Variants in STAMBP observed in about 807,000 individuals in gnomAD.
The protein encoded by STAMBP is STAM-binding protein.
Under a neutral mutation model 50.7 loss-of-function variants are expected in STAMBP, and 31 were observed. The ratio of observed to expected loss-of-function variants is 0.61; its 90% CI spans 0.46 to 0.83. The LOEUF (loss-of-function observed/expected upper bound fraction) is 0.83. Among genes scored for constraint, STAMBP ranks in the 40% least tolerant of loss-of-function variants. The pLI is 0.00. For missense variants in STAMBP, 472 were observed against 518.9 expected (o/e 0.91, Z 0.88); for synonymous variants, 211 against 192.4 (o/e 1.10, Z -0.80).
intron 10 of STAMBP, among the ~76,000 whole-genome samples, chr2:73,872,634 G>A (rs1056318023): frequency 1.3e-5 from 2 of 152,198 alleles, no homozygotes; most frequent in African/African-American, 4.8e-5. Context: ...ACTTTATCCC[G>A]AAGTGTTGAG....
intron 7 of STAMBP, among the ~76,000 whole-genome samples, chr2:73,853,417 A>G (rs1677110645): frequency 6.6e-6 from 1 of 152,220 alleles, no homozygotes; most frequent in African/African-American, 2.4e-5. Flanking sequence ...ATAAGAAAGC[A>G]CACAGAAACT....
intron 8 of STAMBP, 38 bp downstream of exon 8, chr2:73,859,404 G>C: frequency 6.5e-7 from 1 of 1,532,000 alleles, no homozygotes; most frequent in Non-Finnish European, 9.0e-7. Flanking sequence ...GTTTCAAGGG[G>C]GTAGTAGGGA....
intron 2 of STAMBP, among the ~76,000 whole-genome samples, chr2:73,843,409 T>C (rs1268736821): frequency 2.9e-5 from 4 of 137,574 alleles, no homozygotes; most frequent in African/African-American, 5.7e-5. Flanking sequence ...TGTGTATGTA[T>C]ATATATATAT....
chr2:73,849,116 C>G (rs1014930762), intron 5 of STAMBP, among the ~76,000 whole-genome samples: 1 of 152,146 alleles, frequency 6.6e-6, no homozygotes, highest in Non-Finnish European at 1.5e-5. Context: ...CTTTTCTTAA[C>G]TTGAATAATT....
At chr2:73,840,545 A>G (rs1675260266) in intron 2 of STAMBP, among the ~76,000 whole-genome samples, 1 of 151,778 alleles carries the variant, frequency 6.6e-6, no homozygotes, top group Admixed American at 6.6e-5. Context: ...GGAGTTGGAG[A>G]CCAGCCTGGT....
Position 73,846,460 on chromosome 2 carries a change from G to C in STAMBP, c.376-927G>C, listed in dbSNP as rs550590859. Among the ~76,000 whole-genome samples the C allele has an allele frequency of 3.0e-4, 46 of 151,704 alleles. No individual in the cohort carries two copies. The South Asian group carries it at 8.8e-3, about 29-fold the overall frequency. On this transcript the variant is annotated intron_variant, in intron 4 of 9. Transcript: ENST00000394070. ...TACAAAAAATACAAAAATTAGCTGG[G>C]TCTCTACAAAAAATACAAAAATTAG...
At chr2:73,846,474 T>C (rs955498260) in intron 4 of STAMBP, among the ~76,000 whole-genome samples, 1 of 151,290 alleles carries the variant, frequency 6.6e-6, no homozygotes, top group Non-Finnish European at 1.5e-5. Context: ...CTACAAAAAA[T>C]ACAAAAATTA....
chr2:73,841,216 G>A (rs1282484451), intron 2 of STAMBP, among the ~76,000 whole-genome samples: 1 of 151,900 alleles, frequency 6.6e-6, no homozygotes, highest in Admixed American at 6.5e-5. Context: ...GTATACATCT[G>A]GGCCACCGCT....
chr2:73,867,421 G>C (rs966596388), downstream of STAMBP, among the ~76,000 whole-genome samples: 5 of 152,192 alleles, frequency 3.3e-5, no homozygotes, highest in African/African-American at 4.8e-5. Context: ...GCACATGCCT[G>C]TAATCCCAGC....
intron 2 of STAMBP, among the ~76,000 whole-genome samples, chr2:73,831,643 C>A (rs1673932528): frequency 6.6e-6 from 1 of 151,904 alleles, no homozygotes; most frequent in South Asian, 2.1e-4. Context: ...ACTTCTAAAA[C>A]TCCATTGACA....
At position 73,829,527 on chromosome 2, in the gene STAMBP, A is replaced by G. The variant is rs1379109192; in HGVS notation, c.-13+17A>G. Reference sequence around the variant, plus strand: ...TCCCAAGAGGTACTGAGATGCAACAAGCATCCTCTGTTTCAGTTAACTTTC... The same window carrying G: ...TCCCAAGAGGTACTGAGATGCAACAGGCATCCTCTGTTTCAGTTAACTTTC... On this transcript the variant is annotated intron_variant, in intron 1 of 9. Transcript: ENST00000394070. The G allele has an allele frequency of 6.6e-6, 1 of 152,326 alleles. No homozygotes were observed. Among genetic ancestry groups the G allele is most frequent in the Non-Finnish European group, 1.5e-5 (1 of 68,044 alleles). The allele number at this position is 152,326 out of a possible 1,614,324, so 9.4% of individuals were successfully genotyped here. A position where few individuals can be genotyped will look rare whatever the true frequency, so the allele number is the denominator to read the frequency against.
intron 9 of STAMBP, among the ~76,000 whole-genome samples, chr2:73,861,284 T>A (rs1261044552): frequency 6.6e-6 from 1 of 152,226 alleles, no homozygotes; most frequent in Non-Finnish European, 1.5e-5. Context: ...ATTTTAGGGA[T>A]GACACTATTT....
At chr2:73,853,540 A>G (rs997464177) in intron 7 of STAMBP, among the ~76,000 whole-genome samples, 1 of 152,098 alleles carries the variant, frequency 6.6e-6, no homozygotes, top group Non-Finnish European at 1.5e-5. Flanking sequence ...TGGCCAACAT[A>G]GTGAAACCCT....
downstream of STAMBP, among the ~76,000 whole-genome samples, chr2:73,867,562 A>G (rs1679007403): frequency 6.6e-6 from 1 of 152,148 alleles, no homozygotes. Context: ...ATAAATAACA[A>G]TAATAGAAGG....
At chr2:73,832,761 C>T (rs1256304438) in intron 2 of STAMBP, among the ~76,000 whole-genome samples, 11 of 152,184 alleles carry the variant, frequency 7.2e-5, no homozygotes, top group Admixed American at 7.2e-4. Flanking sequence ...TCCCCCCTCC[C>T]CGCAGTGTGA....
chr2:73,851,070 C>A (rs1371268306), intron 7 of STAMBP, among the ~76,000 whole-genome samples: 1 of 152,138 alleles, frequency 6.6e-6, no homozygotes, highest in Non-Finnish European at 1.5e-5. Flanking sequence ...ATTTTTCTTT[C>A]TATTCCTTTT....
At chr2:73,853,046 C>T (rs954997226) in intron 7 of STAMBP, among the ~76,000 whole-genome samples, 11 of 151,952 alleles carry the variant, frequency 7.2e-5, no homozygotes, top group Admixed American at 3.3e-4. Context: ...CATGAGCCAC[C>T]GCACCCGGCC....
At chr2:73,838,854 C>G (rs917692928) in intron 2 of STAMBP, among the ~76,000 whole-genome samples, 2 of 152,122 alleles carry the variant, frequency 1.3e-5, no homozygotes, top group African/African-American at 2.4e-5. Flanking sequence ...ATGTAGCTAC[C>G]TTCACTTTTC....
In STAMBP at chr2:73,847,412, G is replaced by A. The variant is rs141275418; in HGVS notation, c.401G>A (p.Arg134Gln). The A allele has an allele frequency of 6.2e-5, 100 of 1,609,388 alleles. No homozygotes were observed. The highest frequency in any genetic ancestry group is 1.7e-4 in the Admixed American group (10 of 59,504). ...AAGAAGGAAGCAGAGGAATTGGCCC[G>A]GAACATGGCCATCCAGCAAGAGCTG... ...EKKKEAEELA[R>Q]NMAIQQELEK... The change falls in exon 5 of 10, where the codon CGG becomes CAG. Residue 134 changes from arginine (R) to glutamine (Q), a missense_variant. Arg to Gln is a conservative substitution (Grantham distance 43, BLOSUM62 1). Transcript: ENST00000394070.
Sources: allele counts gnomAD v4.1 joint callset (sites outside exome capture counted in the v4.1 genomes callset), GRCh38; gene constraint gnomAD v4.1.1; transcripts MANE v1.5; gene names NCBI Gene and HGNC (gene_info 2026-07-23, HGNC 2026-07-21).